Variants in TTLL11 observed in about 807,000 individuals in gnomAD.
The protein encoded by TTLL11 is tubulin tyrosine ligase like 11.
A neutral mutation model predicts 51.7 loss-of-function variants in TTLL11; 42 were observed. The observed-to-expected ratio is 0.81, with a 90% CI of 0.64 to 1.05. The LOEUF is 1.05. Ranked by LOEUF, TTLL11 falls within the 50% of genes least tolerant of loss-of-function variation. TTLL11 has a pLI of 0.00. For missense variants in TTLL11, 799 were observed against 940.4 expected (o/e 0.85, Z 1.97); for synonymous variants, 381 against 383.5 (o/e 0.99, Z 0.08).
At chr9:121,848,545 G>C (rs7024808) in intron 8 of TTLL11, among the ~76,000 whole-genome samples, 1 of 152,162 alleles carries the variant, frequency 6.6e-6, no homozygotes, top group African/African-American at 2.4e-5. Flanking sequence ...AATGACTATA[G>C]TATGTTTGAA....
chr9:122,031,682 A>G, intron 3 of TTLL11, 41 bp downstream of exon 3: 2 of 1,604,598 alleles, frequency 1.2e-6, no homozygotes, highest in Non-Finnish European at 1.7e-6. Context: ...AGTTGCAAGC[A>G]TAATATAATT....
At chr9:121,935,115 C>T (rs975992136) in intron 6 of TTLL11, among the ~76,000 whole-genome samples, 5 of 142,600 alleles carry the variant, frequency 3.5e-5, no homozygotes, top group South Asian at 2.2e-4. Flanking sequence ...CCACCATGCC[C>T]GGCTATTTTT....
intron 1 of TTLL11, among the ~76,000 whole-genome samples, chr9:122,047,485 G>C (rs1014283695): frequency 6.6e-6 from 1 of 152,138 alleles, no homozygotes; most frequent in Admixed American, 6.5e-5. Context: ...GGCAGCTCAG[G>C]TAGGGCTGCA....
chr9:121,909,544 A>T (rs1840042356), intron 6 of TTLL11, among the ~76,000 whole-genome samples: 1 of 152,172 alleles, frequency 6.6e-6, no homozygotes, highest in South Asian at 2.1e-4. Flanking sequence ...TTTTCCAAGT[A>T]TATGCTTTTG....
intron 8 of TTLL11, among the ~76,000 whole-genome samples, chr9:121,836,609 A>G (rs146648900): frequency 3.5e-4 from 53 of 152,348 alleles, no homozygotes; most frequent in Middle Eastern, 6.8e-3. Flanking sequence ...TTCAGAAGGC[A>G]GTAACCATGA....
At chr9:121,836,482 T>C (rs370256679) in intron 8 of TTLL11, among the ~76,000 whole-genome samples, 2 of 152,340 alleles carry the variant, frequency 1.3e-5, no homozygotes, top group Admixed American at 6.5e-5. Flanking sequence ...CCATGTGCTC[T>C]CTGCTCTCTG....
At chr9:122,056,092 A>C (rs1845285126) in intron 1 of TTLL11, among the ~76,000 whole-genome samples, 1 of 152,172 alleles carries the variant, frequency 6.6e-6, no homozygotes, top group African/African-American at 2.4e-5. Context: ...ATCGACAATG[A>C]CTTGTCCTGA....
At chr9:121,962,394 C>CTG (rs1842258130) in intron 6 of TTLL11, among the ~76,000 whole-genome samples, 1 of 152,182 alleles carries the variant, frequency 6.6e-6, no homozygotes, top group African/African-American at 2.4e-5. Flanking sequence ...CTCCACCCAA[C>CTG]CCTGTCACCT....
chr9:121,940,556 TCTCGAA>T (rs1479000276), intron 6 of TTLL11, among the ~76,000 whole-genome samples: 7 of 152,148 alleles, frequency 4.6e-5, no homozygotes, highest in Non-Finnish European at 8.8e-5. Flanking sequence ...TTTCACTATG[TCTCGAA>T]CTCCTGACCT....
intron 3 of TTLL11, among the ~76,000 whole-genome samples, chr9:122,023,822 AC>A (rs1418533559): frequency 6.6e-6 from 1 of 152,082 alleles, no homozygotes; most frequent in East Asian, 1.9e-4. Flanking sequence ...CTGATAAAGA[AC>A]ATCTACAAGA....
chr9:121,980,134 T>G (rs1842796738), intron 4 of TTLL11, among the ~76,000 whole-genome samples: 1 of 151,982 alleles, frequency 6.6e-6, no homozygotes, highest in South Asian at 2.1e-4. Context: ...TGTGATACAG[T>G]GGGTGGAGGA....
At chr9:122,061,563 G>T (rs1588247961) in intron 1 of TTLL11, among the ~76,000 whole-genome samples, 1 of 152,204 alleles carries the variant, frequency 6.6e-6, no homozygotes, top group Non-Finnish European at 1.5e-5. Context: ...TTTGATGGAT[G>T]TGAAATGGTA....
intron 1 of TTLL11, among the ~76,000 whole-genome samples, chr9:122,075,198 T>C (rs1023021059): frequency 2.0e-5 from 3 of 152,270 alleles, no homozygotes; most frequent in African/African-American, 7.2e-5. Context: ...ACTATATTGA[T>C]GAATTTAATA....
chr9:122,011,440 C>T (rs1478465995), intron 3 of TTLL11, among the ~76,000 whole-genome samples: 1 of 152,054 alleles, frequency 6.6e-6, no homozygotes, highest in African/African-American at 2.4e-5. Flanking sequence ...ATAGCCAGAG[C>T]ATGTGATGTA....
chr9:121,914,596 A>C (rs1417317531), intron 6 of TTLL11, among the ~76,000 whole-genome samples: 6 of 152,088 alleles, frequency 3.9e-5, no homozygotes, highest in Non-Finnish European at 8.8e-5. Flanking sequence ...CATATAGATC[A>C]CTCAGGCCTT....
intron 4 of TTLL11, among the ~76,000 whole-genome samples, chr9:121,979,449 G>A (rs1842782611): frequency 6.6e-6 from 1 of 152,190 alleles, no homozygotes; most frequent in Non-Finnish European, 1.5e-5. Context: ...CACAGCAATA[G>A]ATAACAAATA....
intron 1 of TTLL11, among the ~76,000 whole-genome samples, chr9:122,074,124 A>C (rs1213195597): frequency 6.6e-6 from 1 of 152,132 alleles, no homozygotes; most frequent in African/African-American, 2.4e-5. Flanking sequence ...TATACAAAAA[A>C]TTAGCCAGGT....
intron 4 of TTLL11, chr9:121,988,960 A>C: frequency 3.4e-6 from 3 of 873,514 alleles, no homozygotes; most frequent in Non-Finnish European, 5.0e-6. Flanking sequence ...TAAGATAGGT[A>C]TTCTTCATTT....
intron 6 of TTLL11, among the ~76,000 whole-genome samples, chr9:121,892,551 G>C (rs950340780): frequency 1.3e-5 from 2 of 152,090 alleles, no homozygotes; most frequent in Non-Finnish European, 2.9e-5. Context: ...CTCCCACCGG[G>C]TCTCTCCCAC....
Sources: allele counts gnomAD v4.1 joint callset (sites outside exome capture counted in the v4.1 genomes callset), GRCh38; gene constraint gnomAD v4.1.1; transcripts MANE v1.5; gene names NCBI Gene and HGNC (gene_info 2026-07-23, HGNC 2026-07-21).